Variants in MTMR8 observed in about 807,000 individuals in gnomAD.
MTMR8 encodes the protein phosphatidylinositol-3,5-bisphosphate 3-phosphatase MTMR8.
In MTMR8, 65 loss-of-function variants were observed where a neutral mutation model predicts 39.3. That is an observed-to-expected ratio of 1.65 (90% CI 1.35 to 2.03). The LOEUF (loss-of-function observed/expected upper bound fraction) is 2.03. Among genes scored for constraint, MTMR8 ranks in the 30% most tolerant of loss-of-function variants. The pLI, the probability that MTMR8 is intolerant of heterozygous loss-of-function variation, is 0.00. For missense variants in MTMR8, 777 were observed against 538.9 expected (o/e 1.44, Z -4.37); for synonymous variants, 245 against 185.2 (o/e 1.32, Z -2.62).
At chrX:64,284,601 C>G (rs1483689663) in intron 12 of MTMR8, among the ~76,000 whole-genome samples, 5 of 111,834 alleles carry the variant, frequency 4.5e-5, no homozygotes, top group African/African-American at 1.6e-4. Context: ...ACAAAGGGAA[C>G]CCCATCACAC....
At chrX:64,354,368 C>A (rs1269043443) in intron 4 of MTMR8, among the ~76,000 whole-genome samples, 1 of 110,773 alleles carries the variant, frequency 9.0e-6, no homozygotes, top group Non-Finnish European at 1.9e-5. Context: ...ACCCCAATTA[C>A]CCTGATCTGA....
intron 1 of MTMR8, among the ~76,000 whole-genome samples, chrX:64,362,624 G>A (rs1240643155): frequency 9.1e-6 from 1 of 109,462 alleles, no homozygotes; most frequent in Non-Finnish European, 1.9e-5. Context: ...TTTGCTAGAT[G>A]TGTTGGGGAA....
intron 12 of MTMR8, among the ~76,000 whole-genome samples, chrX:64,285,570 G>A (rs1436596731): frequency 3.6e-5 from 4 of 111,675 alleles, no homozygotes; most frequent in Non-Finnish European, 5.6e-5. Flanking sequence ...CACATAGTTG[G>A]AAGTAAAACA....
intron 12 of MTMR8, among the ~76,000 whole-genome samples, chrX:64,304,058 G>T (rs895877286): frequency 2.7e-5 from 3 of 112,096 alleles, no homozygotes; most frequent in African/African-American, 9.7e-5. Flanking sequence ...GATAAGGAAA[G>T]ACATTCATAG....
At chrX:64,366,288 A>T (rs181993774) in intron 1 of MTMR8, among the ~76,000 whole-genome samples, 1 of 111,906 alleles carries the variant, frequency 8.9e-6, no homozygotes, top group Non-Finnish European at 1.9e-5. Context: ...TCCACCCCAA[A>T]TCAACAGAAT....
In MTMR8 at chrX:64,390,088, T is replaced by C. The variant is rs147764444; in HGVS notation, c.24+5252A>G. 1.9e-3 allele frequency among the ~76,000 whole-genome samples: 210 copies of C among 111,623 alleles called. 5 individuals carry two copies. The East Asian group carries it at 0.049, about 26-fold the overall frequency. ...TGACCCTGCTTCTTGTCTAAATGCATTTCAGGTTGTTTATAATAAAAGACA... is the reference window on the plus strand; with the variant it reads ...TGACCCTGCTTCTTGTCTAAATGCACTTCAGGTTGTTTATAATAAAAGACA... On this transcript the variant is annotated intron_variant, in intron 1 of 13. Transcript: ENST00000374852.
At chrX:64,294,955 G>A (rs993456797) in intron 12 of MTMR8, among the ~76,000 whole-genome samples, 14 of 111,087 alleles carry the variant, frequency 1.3e-4, no homozygotes, top group Non-Finnish European at 2.6e-4. Context: ...ATTAAATCTT[G>A]GGGTTACCTT....
intron 1 of MTMR8, among the ~76,000 whole-genome samples, chrX:64,384,124 C>T (rs1255467519): frequency 8.9e-6 from 1 of 111,959 alleles, no homozygotes; most frequent in African/African-American, 3.3e-5. Flanking sequence ...CAAAACCCAG[C>T]AGAGCAGTCA....
intron 12 of MTMR8, among the ~76,000 whole-genome samples, chrX:64,278,460 G>GTTTTTTTTTT (rs56132040): frequency 8.1e-5 from 2 of 24,688 alleles, no homozygotes; most frequent in African/African-American, 1.1e-4. Context: ...TATTTTGCTG[G>GTTTTTTTTTT]TTTTTTTTTT....
At chrX:64,287,806 A>C (rs1226815160) in intron 12 of MTMR8, among the ~76,000 whole-genome samples, 2 of 106,521 alleles carry the variant, frequency 1.9e-5, no homozygotes, top group East Asian at 5.9e-4. Context: ...ATCTTATACA[A>C]AAATTAATTC....
intron 7 of MTMR8, 136 bp downstream of exon 7, chrX:64,344,909 T>C: frequency 1.7e-6 from 1 of 583,199 alleles, no homozygotes; most frequent in Non-Finnish European, 2.6e-6. Flanking sequence ...ATTTGTACAA[T>C]AGTTAAACAC....
intron 12 of MTMR8, among the ~76,000 whole-genome samples, chrX:64,290,099 C>A (rs752508066): frequency 9.1e-6 from 1 of 110,225 alleles, no homozygotes; most frequent in East Asian, 2.9e-4. Flanking sequence ...GAATTAAAAC[C>A]TAAAAATGGA....
chrX:64,315,781 G>T (rs1216961141), intron 12 of MTMR8, among the ~76,000 whole-genome samples: 4 of 111,327 alleles, frequency 3.6e-5, no homozygotes, highest in Non-Finnish European at 7.5e-5. Context: ...GTTTTTGTTT[G>T]TTCAATCTGT....
At chrX:64,290,446 A>AT (rs1389215621) in intron 12 of MTMR8, among the ~76,000 whole-genome samples, 15 of 110,309 alleles carry the variant, frequency 1.4e-4, no homozygotes, top group East Asian at 8.6e-4. Context: ...ATATATATAT[A>AT]AAAAAAAGAA....
intron 1 of MTMR8, among the ~76,000 whole-genome samples, chrX:64,370,333 C>T (rs72623457): frequency 0.015 from 1,689 of 109,522 alleles, 68 homozygotes; most frequent in East Asian, 0.12. Flanking sequence ...TATTCATACC[C>T]TTAGATGTCA....
At chrX:64,283,061 A>G (rs918949417) in intron 12 of MTMR8, among the ~76,000 whole-genome samples, 2 of 111,987 alleles carry the variant, frequency 1.8e-5, no homozygotes, top group African/African-American at 3.2e-5. Flanking sequence ...GGGTCAGGGA[A>G]TTCCCTTTCA....
intron 1 of MTMR8, among the ~76,000 whole-genome samples, chrX:64,381,223 T>A (rs1192606766): frequency 2.7e-5 from 3 of 111,530 alleles, no homozygotes; most frequent in African/African-American, 9.8e-5. Context: ...AGTGTAAAAG[T>A]GTTCCTATTT....
In MTMR8 at chrX:64,328,895, T is replaced by C. The variant is rs376334287; in HGVS notation, c.1358A>G (p.Tyr453Cys). The C allele has an allele frequency of 2.5e-6, 3 of 1,186,749 alleles. No homozygotes were observed. Among genetic ancestry groups the C allele is most frequent in the Non-Finnish European group, 1.1e-6 (1 of 888,228 alleles). ...CQKDREDLRVYEKTHSVWPFL... is the reference protein window; with the variant it reads ...CQKDREDLRVCEKTHSVWPFL... ...AGGCCACACAGAATGTGTTTTCTCATAGACTCTGTTAGAAAAGAAAAACAA... is the reference window on the plus strand; with the variant it reads ...AGGCCACACAGAATGTGTTTTCTCACAGACTCTGTTAGAAAAGAAAAACAA... The change falls in exon 12 of 14, where the codon TAT (tyrosine) becomes TGT (cysteine). Residue 453 changes from tyrosine to cysteine, a missense_variant. Transcript: ENST00000374852.
chrX:64,371,942 A>AT (rs1924140651), intron 1 of MTMR8, among the ~76,000 whole-genome samples: 1 of 109,672 alleles, frequency 9.1e-6, no homozygotes, highest in South Asian at 3.8e-4. Flanking sequence ...CCAGAACTGT[A>AT]TAAAAATATT....
Sources: allele counts gnomAD v4.1 joint callset (sites outside exome capture counted in the v4.1 genomes callset), GRCh38; gene constraint gnomAD v4.1.1; transcripts MANE v1.5; gene names NCBI Gene and HGNC (gene_info 2026-07-23, HGNC 2026-07-21).